CPNE4: variants seen among roughly 807,000 people sequenced by gnomAD.
CPNE4 encodes copine-4.
A neutral mutation model predicts 67.9 loss-of-function variants in CPNE4; 25 were observed. The observed-to-expected ratio is 0.37, with a 90% confidence interval of 0.27 to 0.51. The LOEUF is 0.51. CPNE4 is among the 20% of genes least tolerant of loss of function. CPNE4 has a pLI of 0.93. For missense variants in CPNE4, 464 were observed against 690.8 expected (o/e 0.67, Z 3.68); for synonymous variants, 242 against 244.9 (o/e 0.99, Z 0.11).
At chr3:131,805,025 A>C (rs148034706) in intron 2 of CPNE4, among the ~76,000 whole-genome samples, 219 of 152,338 alleles carry the variant, frequency 1.4e-3, no homozygotes, top group Middle Eastern at 6.8e-3. Flanking sequence ...CAAGCAGACT[A>C]AATTCCAAAA....
intron 2 of CPNE4, among the ~76,000 whole-genome samples, chr3:131,893,482 A>G (rs2088198267): frequency 1.3e-5 from 2 of 152,086 alleles, no homozygotes; most frequent in Admixed American, 1.3e-4. Context: ...TGGACCTAAC[A>G]GACATTTGCA....
chr3:131,995,740 T>A (rs888177878), intron 1 of CPNE4, among the ~76,000 whole-genome samples: 6 of 152,312 alleles, frequency 3.9e-5, no homozygotes, highest in African/African-American at 1.4e-4. Flanking sequence ...ACATAGTACA[T>A]GATGACTACT....
At chr3:131,593,378 T>A (rs1938652873) in intron 7 of CPNE4, among the ~76,000 whole-genome samples, 1 of 152,234 alleles carries the variant, frequency 6.6e-6, no homozygotes, top group Admixed American at 6.5e-5. Context: ...CTTTCAACTC[T>A]TTGGTTAAGT....
intron 2 of CPNE4, among the ~76,000 whole-genome samples, chr3:131,889,167 A>G (rs956044521): frequency 1.3e-5 from 2 of 152,154 alleles, no homozygotes; most frequent in Non-Finnish European, 2.9e-5. Context: ...AACCCATGGA[A>G]TAAGTTCTAT....
At chr3:131,746,140 T>G (rs555854029) in intron 2 of CPNE4, among the ~76,000 whole-genome samples, 10 of 152,228 alleles carry the variant, frequency 6.6e-5, no homozygotes, top group Admixed American at 5.9e-4. Context: ...TTTAAAAAAT[T>G]TATCATCAAC....
At chr3:131,964,731 A>T (rs984567537) in intron 1 of CPNE4, among the ~76,000 whole-genome samples, 1 of 152,112 alleles carries the variant, frequency 6.6e-6, no homozygotes, top group African/African-American at 2.4e-5. Context: ...ATGTGAAAAA[A>T]CCAAACCTAC....
chr3:131,782,881 C>T (rs1476048818), intron 2 of CPNE4, among the ~76,000 whole-genome samples: 1 of 151,974 alleles, frequency 6.6e-6, no homozygotes, highest in Non-Finnish European at 1.5e-5. Context: ...GGTGTTTGGC[C>T]CCATGCTGCT....
At chr3:131,823,075 G>A (rs1333900001) in intron 2 of CPNE4, among the ~76,000 whole-genome samples, 3 of 152,240 alleles carry the variant, frequency 2.0e-5, no homozygotes, top group Admixed American at 1.3e-4. Context: ...TCCTGACCTC[G>A]TGATCTGCCT....
chr3:131,911,291 C>T (rs150904015), intron 1 of CPNE4, among the ~76,000 whole-genome samples: 23 of 152,092 alleles, frequency 1.5e-4, no homozygotes, highest in Non-Finnish European at 3.2e-4. Context: ...ATTCTGCCAA[C>T]AACCATGTGA....
At chr3:131,551,188 G>A (rs759499751) in intron 13 of CPNE4, among the ~76,000 whole-genome samples, 2 of 152,056 alleles carry the variant, frequency 1.3e-5, no homozygotes, top group Non-Finnish European at 2.9e-5. Flanking sequence ...AGATGAGCAA[G>A]TTCTGTTCTG....
chr3:131,757,186 T>G (rs1343678198), intron 2 of CPNE4, among the ~76,000 whole-genome samples: 1 of 152,202 alleles, frequency 6.6e-6, no homozygotes, highest in Non-Finnish European at 1.5e-5. Flanking sequence ...AGGCAGAGAC[T>G]GGAACAGTTT....
At chr3:131,793,073 G>A (rs919240493) in intron 2 of CPNE4, among the ~76,000 whole-genome samples, 1 of 151,880 alleles carries the variant, frequency 6.6e-6, no homozygotes, top group Non-Finnish European at 1.5e-5. Context: ...TTGGTCATTC[G>A]TCTTTTCCCA....
At chr3:131,914,562 C>T (rs886295512) in intron 1 of CPNE4, among the ~76,000 whole-genome samples, 2 of 152,222 alleles carry the variant, frequency 1.3e-5, no homozygotes, top group Non-Finnish European at 2.9e-5. Flanking sequence ...CAGGGCCCCT[C>T]TGCTCCCATT....
chr3:131,646,398 T>C (rs538189234), intron 7 of CPNE4, among the ~76,000 whole-genome samples: 21 of 152,342 alleles, frequency 1.4e-4, no homozygotes, highest in African/African-American at 4.1e-4. Flanking sequence ...GAAAACTATA[T>C]AGTTTTCTCA....
At chr3:131,770,484 G>C (rs1010118665) in intron 2 of CPNE4, among the ~76,000 whole-genome samples, 3 of 152,230 alleles carry the variant, frequency 2.0e-5, no homozygotes, top group African/African-American at 7.2e-5. Context: ...GAGCTGCAGG[G>C]GAGCTCTCAT....
intron 1 of CPNE4, among the ~76,000 whole-genome samples, chr3:131,927,695 T>A (rs2070937358): frequency 6.6e-6 from 1 of 152,164 alleles, no homozygotes; most frequent in South Asian, 2.1e-4. Context: ...ATTATCCAAA[T>A]ACATTCAGCA....
intron 2 of CPNE4, among the ~76,000 whole-genome samples, chr3:131,769,037 C>T (rs998621833): frequency 2.0e-5 from 3 of 152,168 alleles, no homozygotes; most frequent in Non-Finnish European, 2.9e-5. Context: ...CAAGCCTTGA[C>T]CTCATTCCAG....
At chr3:131,692,174 G>A (rs574760685) in intron 5 of CPNE4, among the ~76,000 whole-genome samples, 4 of 152,116 alleles carry the variant, frequency 2.6e-5, no homozygotes, top group Non-Finnish European at 4.4e-5. Flanking sequence ...CTTGAAAATG[G>A]AATATTGGAC....
At chr3:131,926,431 G>T (rs930606490) in intron 1 of CPNE4, among the ~76,000 whole-genome samples, 1 of 152,080 alleles carries the variant, frequency 6.6e-6, no homozygotes, top group African/African-American at 2.4e-5. Flanking sequence ...TGAAAATAAA[G>T]ATATGAACAA....
Sources: gnomAD v4.1 joint callset for allele counts (sites outside exome capture counted in the v4.1 genomes callset) on GRCh38, gnomAD v4.1.1 for gene constraint, MANE v1.5 for transcripts, NCBI Gene and HGNC (gene_info 2026-07-23, HGNC 2026-07-21) for gene names.